The following KCNIP4 variants were observed in gnomAD, a reference collection of about 807,000 sequenced individuals.
KCNIP4 encodes potassium voltage-gated channel interacting protein 4.
KCNIP4 carries 12 observed loss-of-function variants against 34.0 expected under a neutral mutation model. That is an observed-to-expected ratio of 0.35 (90% CI 0.23 to 0.57). KCNIP4 has a LOEUF of 0.57. Among genes scored for constraint, KCNIP4 ranks in the 20% least tolerant of loss-of-function variants. KCNIP4 has a pLI of 0.83. For missense variants in KCNIP4, 238 were observed against 311.7 expected (o/e 0.76, Z 1.78); for synonymous variants, 124 against 102.2 (o/e 1.21, Z -1.29).
chr4:21,106,925 T>C (rs1386427837), intron 1 of KCNIP4, among the ~76,000 whole-genome samples: 2 of 151,318 alleles, frequency 1.3e-5, no homozygotes, highest in African/African-American at 2.5e-5. Context: ...AGTTTCTTAA[T>C]CCTGAGTTCT....
chr4:21,234,330 A>T lies in KCNIP4; in HGVS notation c.62-351621T>A, dbSNP rs1319223376. On this transcript the variant is annotated intron_variant, in intron 1 of 8. Coordinates refer to ENST00000382152, the MANE Select transcript of KCNIP4 (RefSeq NM_025221.6). Reference sequence around the variant, plus strand: ...ATATAACATATATATAACATATATAAATTATATATAACATACATTATATAT... The same window carrying T: ...ATATAACATATATATAACATATATATATTATATATAACATACATTATATAT... Among the ~76,000 whole-genome samples, 43 of 91,820 alleles carry T rather than the reference A, an allele frequency of 4.7e-4. 15 individuals are homozygous for T. The highest frequency in any genetic ancestry group is 3.1e-3 in the African/African-American group (43 of 14,032). The allele number at this position is 91,820 out of a possible 152,430, so 60.2% of individuals were successfully genotyped here. A position where few individuals can be genotyped will look rare whatever the true frequency, so the allele number is the denominator to read the frequency against.
In KCNIP4 at chr4:21,746,152, T is replaced by C. The variant is rs191640614; in HGVS notation, c.61+202419A>G. On this transcript the variant is annotated intron_variant, in intron 1 of 8. Coordinates refer to ENST00000382152, the MANE Select transcript of KCNIP4 (RefSeq NM_025221.6). ...CTCCTCTTATAGGACACCAGTCATATTGGATTAGGGCCCATCCATAGAACC... is the reference window on the plus strand; with the variant it reads ...CTCCTCTTATAGGACACCAGTCATACTGGATTAGGGCCCATCCATAGAACC... Among the ~76,000 whole-genome samples, 19 of 152,240 alleles carry C rather than the reference T, an allele frequency of 1.2e-4. No homozygotes were observed. In the East Asian group the frequency reaches 3.7e-3, roughly 29 times the overall value.
intron 1 of KCNIP4, among the ~76,000 whole-genome samples, chr4:21,003,935 A>G (rs1738346474): frequency 1.3e-5 from 2 of 152,190 alleles, no homozygotes; most frequent in Non-Finnish European, 2.9e-5. Context: ...ATTACTAAAA[A>G]ATGAAAAAGT....
At chr4:21,363,480 T>A (rs936250192) in intron 1 of KCNIP4, among the ~76,000 whole-genome samples, 2 of 152,152 alleles carry the variant, frequency 1.3e-5, no homozygotes, top group Non-Finnish European at 2.9e-5. Flanking sequence ...ACCAACTGCA[T>A]CAACATTAGG....
intron 1 of KCNIP4, among the ~76,000 whole-genome samples, chr4:21,842,999 T>C (rs4696983): frequency 0.98 from 148,961 of 152,126 alleles, 73,005 homozygotes; most frequent in East Asian, 1. Context: ...GTTTCATACC[T>C]ACATTTCAGA....
At chr4:21,749,933 T>C (rs570413365) in intron 1 of KCNIP4, among the ~76,000 whole-genome samples, 14 of 152,322 alleles carry the variant, frequency 9.2e-5, no homozygotes, top group South Asian at 2.1e-4. Flanking sequence ...TATACAGTAG[T>C]TACCACTTAT....
At chr4:21,804,034 G>T (rs1324568348) in intron 1 of KCNIP4, among the ~76,000 whole-genome samples, 1 of 152,170 alleles carries the variant, frequency 6.6e-6, no homozygotes, top group African/African-American at 2.4e-5. Context: ...TTATTAAGAG[G>T]GGCTTGGTAC....
chr4:21,850,091 A>G (rs1421853495), intron 1 of KCNIP4: 3 of 152,026 alleles, frequency 2.0e-5, no homozygotes, highest in Non-Finnish European at 4.4e-5. Context: ...AAACAGCAAA[A>G]TCTACAAACC....
chr4:20,876,609 G>A (rs368424373), intron 2 of KCNIP4, among the ~76,000 whole-genome samples: 3 of 151,648 alleles, frequency 2.0e-5, no homozygotes, highest in African/African-American at 7.3e-5. Flanking sequence ...TCACTCTGTC[G>A]CCAGGCTGTA....
intron 1 of KCNIP4, among the ~76,000 whole-genome samples, chr4:21,668,018 G>T (rs1057310515): frequency 6.6e-6 from 1 of 152,118 alleles, no homozygotes; most frequent in Non-Finnish European, 1.5e-5. Flanking sequence ...AGAAAATGTG[G>T]TACATATATA....
At chr4:21,645,309 C>T (rs10011134) in intron 1 of KCNIP4, among the ~76,000 whole-genome samples, 44,112 of 151,912 alleles carry the variant, frequency 0.29, 8,052 homozygotes, top group East Asian at 0.9. Flanking sequence ...GCAATAGAAC[C>T]GAAATTCAAA....
intron 1 of KCNIP4, among the ~76,000 whole-genome samples, chr4:21,541,738 C>A (rs963272150): frequency 8.5e-5 from 13 of 152,172 alleles, no homozygotes; most frequent in Admixed American, 7.9e-4. Flanking sequence ...ACTTCCTGGG[C>A]TCAAGTGATC....
At chr4:20,979,212 A>C (rs1268577335) in intron 1 of KCNIP4, among the ~76,000 whole-genome samples, 1 of 147,648 alleles carries the variant, frequency 6.8e-6, no homozygotes, top group African/African-American at 2.7e-5. Context: ...AATAAAGTAT[A>C]AGTATATTGT....
rs146539806 is a variant in KCNIP4 at position 21,757,950 on chromosome 4, T to C, written c.61+190621A>G. 8.7e-3 allele frequency among the ~76,000 whole-genome samples: 1,332 copies of C among 152,308 alleles called. 19 individuals are homozygous for C. The highest frequency in any genetic ancestry group is 0.039 in the South Asian group (188 of 4,826). ...GTGACTCCTAACTACTAGGTTTGTG[T>C]CCTTATGCAAGTAATTTGACCTTAG... On this transcript the variant is annotated intron_variant, in intron 1 of 8. Coordinates refer to ENST00000382152, the MANE Select transcript of KCNIP4 (RefSeq NM_025221.6).
intron 1 of KCNIP4, among the ~76,000 whole-genome samples, chr4:20,999,229 T>G (rs1171023660): frequency 6.6e-6 from 1 of 152,142 alleles, no homozygotes; most frequent in South Asian, 2.1e-4. Context: ...GAGATCATAC[T>G]TCATCTTAGA....
intron 1 of KCNIP4, among the ~76,000 whole-genome samples, chr4:21,547,969 G>A (rs1321728698): frequency 2.6e-5 from 4 of 152,196 alleles, no homozygotes; most frequent in Non-Finnish European, 1.5e-5. Flanking sequence ...CACCCATGTG[G>A]ACAATCTGTG....
chr4:21,393,455 GCAC>G (rs2109523267), intron 1 of KCNIP4, among the ~76,000 whole-genome samples: 1 of 152,176 alleles, frequency 6.6e-6, no homozygotes, highest in South Asian at 2.1e-4. Flanking sequence ...TGCAGGGGTG[GCAC>G]CACCCATTTT....
intron 1 of KCNIP4, among the ~76,000 whole-genome samples, chr4:21,042,627 G>T (rs1742067645): frequency 6.6e-6 from 1 of 152,062 alleles, no homozygotes; most frequent in South Asian, 2.1e-4. Context: ...TGCAGTGTAG[G>T]GTGATTAGAG....
chr4:21,108,331 G>A (rs201791597), intron 1 of KCNIP4, among the ~76,000 whole-genome samples: 16 of 147,734 alleles, frequency 1.1e-4, no homozygotes, highest in African/African-American at 1.6e-4. Flanking sequence ...TTCCCTTCTC[G>A]CTTCATTTCA....
Sources: allele counts gnomAD v4.1 joint callset (sites outside exome capture counted in the v4.1 genomes callset), GRCh38; gene constraint gnomAD v4.1.1; transcripts MANE v1.5; gene names NCBI Gene and HGNC (gene_info 2026-07-23, HGNC 2026-07-21).